The following KLHL29 variants were observed in gnomAD, a reference collection of about 807,000 sequenced individuals.
The protein encoded by KLHL29 is kelch like family member 29, also known as kelch-like protein 29.
A neutral mutation model predicts 80.4 loss-of-function variants in KLHL29; 21 were observed. That is an observed-to-expected ratio of 0.26 (90% CI 0.19 to 0.38). KLHL29 has a LOEUF of 0.38. Among genes scored for constraint, KLHL29 ranks in the 10% least tolerant of loss-of-function variants. The pLI, the probability that KLHL29 is intolerant of heterozygous loss-of-function variation, is 1.00. For missense variants in KLHL29, 867 were observed against 1,223.9 expected (o/e 0.71, Z 4.35); for synonymous variants, 511 against 526.8 (o/e 0.97, Z 0.41).
chr2:23,547,560 C>T (rs1667008835), intron 2 of KLHL29, among the ~76,000 whole-genome samples: 3 of 151,886 alleles, frequency 2.0e-5, no homozygotes, highest in Non-Finnish European at 2.9e-5. Flanking sequence ...CAGTAAGTGC[C>T]CAGAAAGTGT....
At chr2:23,523,768 A>G (rs1558372093) in intron 2 of KLHL29, among the ~76,000 whole-genome samples, 1 of 152,212 alleles carries the variant, frequency 6.6e-6, no homozygotes, top group Non-Finnish European at 1.5e-5. Context: ...AAGAGCCAAT[A>G]AGCCGACGAG....
At chr2:23,496,639 G>A (rs1325394918) in intron 2 of KLHL29, among the ~76,000 whole-genome samples, 1 of 152,224 alleles carries the variant, frequency 6.6e-6, no homozygotes, top group East Asian at 1.9e-4. Flanking sequence ...GGCCTCAGTG[G>A]CCTCCAGATT....
intron 3 of KLHL29, among the ~76,000 whole-genome samples, chr2:23,565,490 C>G (rs543738834): frequency 6.6e-6 from 1 of 152,292 alleles, no homozygotes; most frequent in East Asian, 1.9e-4. Context: ...GCTGGGACTC[C>G]AGATGCTCCG....
chr2:23,609,758 C>T (rs995752101), intron 3 of KLHL29, among the ~76,000 whole-genome samples: 3 of 152,142 alleles, frequency 2.0e-5, no homozygotes, highest in Non-Finnish European at 2.9e-5. Flanking sequence ...TTTGGTTCAA[C>T]CTTCCAACAA....
At chr2:23,688,153 C>T (rs993358349) in intron 6 of KLHL29, among the ~76,000 whole-genome samples, 1 of 152,184 alleles carries the variant, frequency 6.6e-6, no homozygotes. Flanking sequence ...GGCACAATGG[C>T]GTCACCCACA....
At position 23,682,473 on chromosome 2, in the gene KLHL29, C is replaced by T. The variant is rs908697317; in HGVS notation, c.941-1926C>T. ...CCTCCCAAGCCACTCCCCATCCTGC[C>T]TCTGTGTGGATTTGTCTGAAACCCA... On this transcript the variant is annotated intron_variant, in intron 5 of 13. Coordinates refer to ENST00000486442, the MANE Select transcript of KLHL29 (RefSeq NM_052920.2). This position sits in a 1 kb window ranked among gnomAD's most constrained non-coding sequence, Gnocchi z 4.1. Among the ~76,000 whole-genome samples the T allele has an allele frequency of 6.6e-6, 1 of 152,208 alleles. No individual in the cohort carries two copies. Among genetic ancestry groups the T allele is most frequent in the Non-Finnish European group, 1.5e-5 (1 of 68,036 alleles).
intron 2 of KLHL29, among the ~76,000 whole-genome samples, chr2:23,493,063 G>A (rs184443264): frequency 1.2e-4 from 19 of 152,290 alleles, no homozygotes; most frequent in Admixed American, 9.8e-4. Flanking sequence ...TTCAAGCTCC[G>A]TTCCTGCTCT....
intron 5 of KLHL29, among the ~76,000 whole-genome samples, chr2:23,671,133 T>C (rs1670740336): frequency 1.3e-5 from 2 of 151,486 alleles, no homozygotes; most frequent in Admixed American, 1.3e-4. Context: ...TTTCCCTCTT[T>C]ACCTAGGTAA....
intron 2 of KLHL29, among the ~76,000 whole-genome samples, chr2:23,553,510 C>G (rs1667180558): frequency 6.6e-6 from 1 of 152,162 alleles, no homozygotes; most frequent in African/African-American, 2.4e-5. Flanking sequence ...ACACGTGGCC[C>G]CTGCAAACCC....
intron 2 of KLHL29, among the ~76,000 whole-genome samples, chr2:23,549,559 C>T (rs907773031): frequency 1.3e-5 from 2 of 152,090 alleles, no homozygotes; most frequent in Non-Finnish European, 2.9e-5. Flanking sequence ...CAGCTCCCAA[C>T]TTCAAAACAA....
intron 3 of KLHL29, among the ~76,000 whole-genome samples, chr2:23,601,237 T>C (rs746071809): frequency 1.3e-5 from 2 of 152,128 alleles, no homozygotes; most frequent in Non-Finnish European, 2.9e-5. Context: ...CCCAGGACCA[T>C]TGAGGGGGCC....
At chr2:23,493,945 C>T (rs1250158745) in intron 2 of KLHL29, among the ~76,000 whole-genome samples, 3 of 152,158 alleles carry the variant, frequency 2.0e-5, no homozygotes, top group African/African-American at 7.2e-5. Flanking sequence ...GCAGCACTTA[C>T]CTACACTGAA....
intron 2 of KLHL29, among the ~76,000 whole-genome samples, chr2:23,480,136 G>C (rs533882341): frequency 4.6e-5 from 7 of 152,198 alleles, no homozygotes; most frequent in Non-Finnish European, 8.8e-5. Context: ...GGGAGGAACG[G>C]TGCCACCAGG....
intron 6 of KLHL29, among the ~76,000 whole-genome samples, chr2:23,685,118 C>A (rs1182144884): frequency 2.6e-5 from 4 of 152,266 alleles, no homozygotes; most frequent in Admixed American, 6.5e-5. Flanking sequence ...TGAGCCTAAA[C>A]CGGCGCTGTG....
At chr2:23,568,061 A>G (rs1481056945) in intron 3 of KLHL29, among the ~76,000 whole-genome samples, 3 of 152,184 alleles carry the variant, frequency 2.0e-5, no homozygotes, top group Non-Finnish European at 2.9e-5. Context: ...GAAAAATGTC[A>G]TGATTTTCAA....
intron 2 of KLHL29, among the ~76,000 whole-genome samples, chr2:23,477,264 C>T (rs1664664638): frequency 6.6e-6 from 1 of 152,260 alleles, no homozygotes; most frequent in South Asian, 2.1e-4. Context: ...GCAGCAGGGG[C>T]AGAACATCAG....
Position 23,691,837 on chromosome 2 carries a change from C to A in KLHL29, c.1243C>A (p.Gln415Lys). ...KTLLEAASKF[Q>K]FHTFCKVCVS... ...ACTGCTGGAGGCGGCCAGCAAGTTC[C>A]AGTTCCACACCTTCTGCAAAGTCTG... The change falls in exon 7 of 14, where the codon CAG (glutamine) becomes AAG (lysine). Residue 415 changes from glutamine to lysine, a missense_variant. Coordinates refer to ENST00000486442, the MANE Select transcript of KLHL29 (RefSeq NM_052920.2). 1 of 1,551,442 alleles carries A rather than the reference C, an allele frequency of 6.4e-7. No homozygotes were observed. Among genetic ancestry groups the A allele is most frequent in the Non-Finnish European group, 8.7e-7 (1 of 1,147,000 alleles).
At chr2:23,603,689 C>T (rs1010282908) in intron 3 of KLHL29, among the ~76,000 whole-genome samples, 1 of 152,242 alleles carries the variant, frequency 6.6e-6, no homozygotes. Flanking sequence ...GAGTCCACAT[C>T]CCAGCCCTTC....
chr2:23,634,523 C>A (rs1408869740), intron 3 of KLHL29, among the ~76,000 whole-genome samples: 4 of 152,180 alleles, frequency 2.6e-5, no homozygotes. Context: ...TTCTGACATC[C>A]TTGGGCAAAC....
Sources: allele counts gnomAD v4.1 joint callset (sites outside exome capture counted in the v4.1 genomes callset), GRCh38; gene constraint gnomAD v4.1.1; non-coding constraint Gnocchi (gnomAD v3.1); transcripts MANE v1.5; gene names NCBI Gene and HGNC (gene_info 2026-07-23, HGNC 2026-07-21).